ANKRD30BL: variants seen among roughly 807,000 people sequenced by gnomAD.
ANKRD30BL encodes putative ankyrin repeat domain-containing protein 30B-like.
A neutral mutation model predicts 18.4 loss-of-function variants in ANKRD30BL; 20 were observed. That is an observed-to-expected ratio of 1.09 (90% confidence interval 0.77 to 1.58). ANKRD30BL has a LOEUF of 1.58. Among genes scored for constraint, ANKRD30BL ranks in the 40% most tolerant of loss-of-function variants. The probability of loss-of-function intolerance (pLI) is 0.00; values close to 1 mark genes in which losing one functional copy is unlikely to be tolerated. For synonymous variants in ANKRD30BL, 72 were observed against 100.9 expected (o/e 0.71, Z 1.72); for missense variants, 224 against 268.6 (o/e 0.83, Z 1.16).
rs545182419 is a variant in ANKRD30BL at position 132,177,426 on chromosome 2, A to G, written n.442-20280T>C. Among the ~76,000 whole-genome samples, 5 of 152,342 alleles carry G rather than the reference A, an allele frequency of 3.3e-5. No homozygotes were observed. In the South Asian group the frequency reaches 1.0e-3, roughly 32 times the overall value. ...CTCGGCCTCCCAAACTGCTGAGATT[A>G]CAGGCCTGAGCCACTGTGCCCAGTT... On this transcript the variant is annotated intron_variant and non_coding_transcript_variant, in intron 1 of 4. Coordinates refer to the ANKRD30BL transcript ENST00000470729.
intron 1 of ANKRD30BL, among the ~76,000 whole-genome samples, chr2:132,217,117 T>C (rs771770805): frequency 6.6e-6 from 1 of 152,030 alleles, no homozygotes; most frequent in Non-Finnish European, 1.5e-5. Context: ...GACAGAAGCA[T>C]TCTCAGAAAC....
At chr2:132,163,933 G>A (rs1688139883), upstream of ANKRD30BL, among the ~76,000 whole-genome samples, 5 of 152,228 alleles carry the variant, frequency 3.3e-5, no homozygotes, top group South Asian at 1.0e-3. Flanking sequence ...ATACAAAGCT[G>A]TGTATACACA....
chr2:132,216,623 GA>G (rs1278676783), intron 1 of ANKRD30BL, among the ~76,000 whole-genome samples: 2 of 152,116 alleles, frequency 1.3e-5, no homozygotes, highest in African/African-American at 2.4e-5. Flanking sequence ...GAGCACCTTT[GA>G]AACATTATTT....
chr2:132,178,202 G>C (rs923235661), intron 1 of ANKRD30BL, among the ~76,000 whole-genome samples: 11 of 152,124 alleles, frequency 7.2e-5, no homozygotes, highest in Non-Finnish European at 1.5e-4. Flanking sequence ...AAAAAATCCT[G>C]ACACTGTTTT....
At chr2:132,156,913 T>A (rs1406375301) in intron 3 of ANKRD30BL, 60 bp downstream of exon 3, 1 of 482,554 alleles carries the variant, frequency 2.1e-6, no homozygotes, top group East Asian at 3.3e-5. Context: ...AATTTACATA[T>A]GTTAATGTTA....
chr2:132,230,210 C>T (rs369557713), intron 1 of ANKRD30BL, among the ~76,000 whole-genome samples: 2 of 151,664 alleles, frequency 1.3e-5, no homozygotes, highest in Non-Finnish European at 2.9e-5. Flanking sequence ...GTTGAATATA[C>T]GTTTTCATAG....
intron 1 of ANKRD30BL, among the ~76,000 whole-genome samples, chr2:132,252,517 C>A (rs1206364989): frequency 2.1e-5 from 3 of 144,318 alleles, no homozygotes; most frequent in Non-Finnish European, 4.6e-5. Context: ...CCCAGACACA[C>A]CGTGACGTGC....
intron 1 of ANKRD30BL, among the ~76,000 whole-genome samples, chr2:132,188,205 T>C (rs990076194): frequency 3.9e-5 from 6 of 152,172 alleles, no homozygotes; most frequent in African/African-American, 1.4e-4. Flanking sequence ...ATCTACACCA[T>C]GGCAAATGGC....
At chr2:132,163,981 T>A (rs1280171247), upstream of ANKRD30BL, among the ~76,000 whole-genome samples, 4 of 152,222 alleles carry the variant, frequency 2.6e-5, no homozygotes, top group African/African-American at 9.6e-5. Flanking sequence ...TGTGTAAGTG[T>A]TAGTTCATAC....
intron 1 of ANKRD30BL, among the ~76,000 whole-genome samples, chr2:132,203,439 T>G (rs1190698190): frequency 2.0e-5 from 3 of 152,216 alleles, no homozygotes; most frequent in African/African-American, 7.2e-5. Context: ...GTATTAATAC[T>G]TGAATTGCAC....
chr2:132,246,881 C>T (rs796092144), intron 1 of ANKRD30BL, among the ~76,000 whole-genome samples: 4 of 150,422 alleles, frequency 2.7e-5, no homozygotes, highest in South Asian at 4.2e-4. Context: ...AGAGTTGAAA[C>T]TTTCTTTTGA....
chr2:132,221,342 G>T (rs1679672654), intron 1 of ANKRD30BL, among the ~76,000 whole-genome samples: 1 of 145,508 alleles, frequency 6.9e-6, no homozygotes, highest in South Asian at 2.1e-4. Context: ...CCCCCGCCCG[G>T]CCAGCCGCCC....
intron 1 of ANKRD30BL, among the ~76,000 whole-genome samples, chr2:132,169,914 A>G (rs1159261604): frequency 1.3e-5 from 2 of 152,160 alleles, no homozygotes; most frequent in African/African-American, 4.8e-5. Flanking sequence ...ATGTTCTCCT[A>G]TAAAGTACTG....
intron 1 of ANKRD30BL, among the ~76,000 whole-genome samples, chr2:132,250,946 C>G (rs1680633962): frequency 6.6e-6 from 1 of 152,128 alleles, no homozygotes; most frequent in Non-Finnish European, 1.5e-5. Flanking sequence ...CAAATAAACA[C>G]TATTGGCCTT....
At chr2:132,182,009 G>A (rs1688472842) in intron 1 of ANKRD30BL, among the ~76,000 whole-genome samples, 2 of 152,142 alleles carry the variant, frequency 1.3e-5, no homozygotes, top group African/African-American at 4.8e-5. Context: ...TACTCTGGAG[G>A]CTGAGGTAGG....
intron 1 of ANKRD30BL, among the ~76,000 whole-genome samples, chr2:132,256,315 G>C (rs1418179702): frequency 6.8e-6 from 1 of 146,346 alleles, no homozygotes; most frequent in African/African-American, 2.6e-5. Context: ...GGTGGTGGGA[G>C]GGGGGTGGTG....
intron 1 of ANKRD30BL, among the ~76,000 whole-genome samples, chr2:132,185,695 C>T (rs1330341573): frequency 6.6e-6 from 1 of 152,142 alleles, no homozygotes; most frequent in Non-Finnish European, 1.5e-5. Context: ...ACATGTAGAA[C>T]ACAACAAAGG....
intron 1 of ANKRD30BL, among the ~76,000 whole-genome samples, chr2:132,228,881 T>C (rs1190921770): frequency 1.3e-5 from 2 of 151,738 alleles, no homozygotes; most frequent in Non-Finnish European, 2.9e-5. Context: ...TCTCTTTTTG[T>C]AGAATCTGCA....
chr2:132,157,389 C>T lies in ANKRD30BL; in HGVS notation c.253G>A (p.Ala85Thr), dbSNP rs533761348. The change falls in exon 2 of 6, where the codon GCA becomes ACA. Residue 85 changes from alanine (A) to threonine (T), a missense_variant. Transcript: ENST00000409867. Reference sequence around the variant, plus strand: ...TCTACCAGAAGTGTTACTACTTCTGCATGGCCATTGGCACAGGCCCAGTAT... The same window carrying T: ...TCTACCAGAAGTGTTACTACTTCTGTATGGCCATTGGCACAGGCCCAGTAT... ...ALYWACANGH[A>T]EVVTLLVDRK... 2.7e-6 allele frequency: 2 copies of T among 751,270 alleles called. No individual in the cohort carries two copies. The highest frequency in any genetic ancestry group is 2.9e-5 in the South Asian group (2 of 69,388). The allele number at this position is 751,270 out of a possible 1,614,324, so 46.5% of individuals were successfully genotyped here.
Sources: gnomAD v4.1 joint callset for allele counts (sites outside exome capture counted in the v4.1 genomes callset) on GRCh38, gnomAD v4.1.1 for gene constraint, MANE v1.5 for transcripts, NCBI Gene and HGNC (gene_info 2026-07-23, HGNC 2026-07-21) for gene names.